The following CAMTA1 variants were observed in gnomAD, a reference collection of about 807,000 sequenced individuals.
CAMTA1 encodes calmodulin binding transcription activator 1.
In CAMTA1, 27 loss-of-function variants were observed where a neutral mutation model predicts 170.9. The ratio of observed to expected loss-of-function variants is 0.16; its 90% CI spans 0.12 to 0.22. The LOEUF is 0.22. Among genes scored for constraint, CAMTA1 ranks in the 10% least tolerant of loss-of-function variants. CAMTA1 has a pLI of 1.00. For synonymous variants in CAMTA1, 833 were observed against 891.5 expected, an observed-to-expected ratio of 0.93 and a Z score of 1.17; for missense variants, 1,619 against 2,217.2, an observed-to-expected ratio of 0.73 and a Z score of 5.42.
intron 4 of CAMTA1, among the ~76,000 whole-genome samples, chr1:7,109,376 A>G (rs1453878104): frequency 2.6e-5 from 4 of 152,192 alleles, no homozygotes; most frequent in South Asian, 2.1e-4. Context: ...GGAGTTCATC[A>G]TGGCATCAAT....
intron 6 of CAMTA1, among the ~76,000 whole-genome samples, chr1:7,606,040 C>T (rs537130838): frequency 3.9e-5 from 6 of 152,294 alleles, no homozygotes; most frequent in South Asian, 4.1e-4. Context: ...AGCCCACTGC[C>T]CCTGAGTCAT....
At chr1:7,279,233 T>A (rs539435463) in intron 5 of CAMTA1, among the ~76,000 whole-genome samples, 1 of 152,344 alleles carries the variant, frequency 6.6e-6, no homozygotes, top group East Asian at 1.9e-4. Context: ...TGTCATCCTC[T>A]GATTATTGTA....
chr1:7,237,648 T>C (rs1664130985), intron 4 of CAMTA1, among the ~76,000 whole-genome samples: 1 of 152,222 alleles, frequency 6.6e-6, no homozygotes, highest in African/African-American at 2.4e-5. Flanking sequence ...CAAGAACACA[T>C]CACCCCTCTG....
intron 3 of CAMTA1, among the ~76,000 whole-genome samples, chr1:6,997,854 G>T (rs896818550): frequency 6.6e-6 from 1 of 151,770 alleles, no homozygotes; most frequent in African/African-American, 2.4e-5. Context: ...TAGGGACGGG[G>T]TTTCACCATG....
At chr1:7,085,299 G>A (rs1348963556) in intron 3 of CAMTA1, among the ~76,000 whole-genome samples, 3 of 152,208 alleles carry the variant, frequency 2.0e-5, no homozygotes, top group Admixed American at 6.5e-5. Context: ...AGCCTCGATG[G>A]CAACTGGACC....
intron 3 of CAMTA1, among the ~76,000 whole-genome samples, chr1:6,940,516 T>C (rs1055629207): frequency 2.2e-4 from 33 of 152,150 alleles, no homozygotes; most frequent in African/African-American, 7.0e-4. Flanking sequence ...TACCTGGAAA[T>C]AATGTTTGGC....
In CAMTA1 at chr1:7,624,422, A is replaced by T. The variant is rs183011300; in HGVS notation, c.511-15978A>T. 6.7e-4 allele frequency among the ~76,000 whole-genome samples: 102 copies of T among 152,310 alleles called. 1 individual carries two copies. Among genetic ancestry groups the T allele is most frequent in the African/African-American group, 2.4e-3 (101 of 41,558 alleles). On this transcript the variant is annotated intron_variant, in intron 6 of 22. Transcript: ENST00000303635. ...TGGTTGGAACAAATCATCCTGGTAT[A>T]CCACTGCTCCCACAGGTGGAAACAG... is the stretch of plus-strand genomic sequence containing the variant.
At chr1:7,208,990 T>C (rs1658271916) in intron 4 of CAMTA1, among the ~76,000 whole-genome samples, 1 of 152,206 alleles carries the variant, frequency 6.6e-6, no homozygotes, top group Admixed American at 6.5e-5. Flanking sequence ...GGAGACACCA[T>C]AGTCTATTCC....
chr1:7,635,390 G>A lies in CAMTA1; in HGVS notation c.511-5010G>A, dbSNP rs2095703337. On this transcript the variant is annotated intron_variant, in intron 6 of 22. Coordinates refer to ENST00000303635, the MANE Select transcript of CAMTA1 (RefSeq NM_015215.4). This position sits in a 1 kb window ranked among gnomAD's most constrained non-coding sequence, Gnocchi z 4.4. ...TGGAAGGCCGAGGCAGGCAGATCAC[G>A]AGATCGGGACACCGAGACTATCCTG... 1.3e-5 allele frequency among the ~76,000 whole-genome samples: 2 copies of A among 152,056 alleles called. No homozygotes were observed. The highest frequency in any genetic ancestry group is 2.1e-4 in the South Asian group (1 of 4,808).
At chr1:6,991,305 C>T (rs1002676050) in intron 3 of CAMTA1, among the ~76,000 whole-genome samples, 5 of 151,980 alleles carry the variant, frequency 3.3e-5, no homozygotes, top group Non-Finnish European at 7.4e-5. Context: ...AAAGAAACTG[C>T]TGGATGTTTT....
At chr1:7,028,683 G>A (rs1702346758) in intron 3 of CAMTA1, among the ~76,000 whole-genome samples, 1 of 152,136 alleles carries the variant, frequency 6.6e-6, no homozygotes, top group Non-Finnish European at 1.5e-5. Flanking sequence ...AGGATCCTTG[G>A]TATTATTGTG....
chr1:7,111,360 A>C (rs1433949464), intron 4 of CAMTA1, among the ~76,000 whole-genome samples: 2 of 152,106 alleles, frequency 1.3e-5, no homozygotes, highest in African/African-American at 4.8e-5. Flanking sequence ...TCCCATACCT[A>C]CCATTGCCCT....
At chr1:7,265,808 G>A (rs900034230) in intron 5 of CAMTA1, among the ~76,000 whole-genome samples, 6 of 152,124 alleles carry the variant, frequency 3.9e-5, no homozygotes, top group Non-Finnish European at 7.3e-5. Flanking sequence ...TAACAGAGAG[G>A]CTGGAGACCT....
intron 5 of CAMTA1, among the ~76,000 whole-genome samples, chr1:7,417,743 G>A (rs1038048433): frequency 2.8e-4 from 42 of 152,152 alleles, no homozygotes; most frequent in African/African-American, 9.2e-4. Flanking sequence ...GCAATGCCTC[G>A]CTGTGCTTCG....
At chr1:7,032,743 G>T (rs951447325) in intron 3 of CAMTA1, among the ~76,000 whole-genome samples, 1 of 151,854 alleles carries the variant, frequency 6.6e-6, no homozygotes, top group Admixed American at 6.6e-5. Flanking sequence ...CATGTCTGCT[G>T]GTCATGAATT....
intron 1 of CAMTA1, among the ~76,000 whole-genome samples, chr1:6,804,538 T>C (rs184288725): frequency 7.6e-4 from 116 of 152,282 alleles, no homozygotes; most frequent in African/African-American, 2.8e-3. Flanking sequence ...CAATTACTAA[T>C]CTGCTTTATT....
chr1:7,513,394 A>C (rs2094230549), intron 6 of CAMTA1, among the ~76,000 whole-genome samples: 1 of 152,158 alleles, frequency 6.6e-6, no homozygotes, highest in South Asian at 2.1e-4. Context: ...AGCCATGCAA[A>C]GCAGCGTAGA....
intron 6 of CAMTA1, among the ~76,000 whole-genome samples, chr1:7,512,552 G>T: frequency 6.6e-6 from 1 of 152,198 alleles, no homozygotes; most frequent in East Asian, 1.9e-4. Context: ...TATTCCAGGG[G>T]TCTCGCCCTG....
At chr1:7,084,273 A>G (rs1230649932) in intron 3 of CAMTA1, among the ~76,000 whole-genome samples, 2 of 152,130 alleles carry the variant, frequency 1.3e-5, no homozygotes, top group East Asian at 3.8e-4. Context: ...TTGAGCCTGT[A>G]TCTTGAAGAC....
Sources: allele counts gnomAD v4.1 joint callset (sites outside exome capture counted in the v4.1 genomes callset), GRCh38; gene constraint gnomAD v4.1.1; non-coding constraint Gnocchi (gnomAD v3.1); transcripts MANE v1.5; gene names NCBI Gene and HGNC (gene_info 2026-07-23, HGNC 2026-07-21).